TEK: variants seen among roughly 807,000 people sequenced by gnomAD.
The protein encoded by TEK is TEK receptor tyrosine kinase.
TEK carries 43 observed loss-of-function variants against 131.8 expected under a neutral mutation model. That is an observed-to-expected ratio of 0.33 (90% confidence interval 0.26 to 0.42). The LOEUF (loss-of-function observed/expected upper bound fraction) is 0.42. Among genes scored for constraint, TEK ranks in the 10% least tolerant of loss-of-function variants. TEK has a pLI of 1.00. For missense variants in TEK, 1,162 were observed against 1,384.4 expected (o/e 0.84, Z 2.55); for synonymous variants, 580 against 491.6 (o/e 1.18, Z -2.38).
At chr9:27,165,919 C>T (rs1823713382) in intron 2 of TEK, among the ~76,000 whole-genome samples, 1 of 152,268 alleles carries the variant, frequency 6.6e-6, no homozygotes, top group African/African-American at 2.4e-5. Flanking sequence ...AGCAAGCAGG[C>T]AAACCTAAAG....
At chr9:27,183,901 G>A (rs951986834) in intron 8 of TEK, among the ~76,000 whole-genome samples, 1 of 152,162 alleles carries the variant, frequency 6.6e-6, no homozygotes, top group African/African-American at 2.4e-5. Context: ...AGCTGGTATG[G>A]GGAGAAGTAC....
intron 22 of TEK, among the ~76,000 whole-genome samples, chr9:27,228,905 A>G (rs914589701): frequency 1.3e-5 from 2 of 152,192 alleles, no homozygotes; most frequent in Non-Finnish European, 2.9e-5. Context: ...GGAGGTACCA[A>G]TAAGACACTG....
At chr9:27,121,552 A>G (rs1821791920) in intron 1 of TEK, among the ~76,000 whole-genome samples, 1 of 150,638 alleles carries the variant, frequency 6.6e-6, no homozygotes, top group African/African-American at 2.4e-5. Context: ...TCCATATTAT[A>G]TGCAATATGC....
chr9:27,143,480 T>C (rs1822804175), intron 1 of TEK, among the ~76,000 whole-genome samples: 1 of 152,150 alleles, frequency 6.6e-6, no homozygotes, highest in Admixed American at 6.5e-5. Flanking sequence ...AGCCTGGTTT[T>C]AGCAAGTGAG....
At position 27,109,474 on chromosome 9, in the gene TEK, G is replaced by C; in HGVS notation, c.-117G>C. ...TGCTGTTCCTTCTTGCCTCTAACTT[G>C]TAAACAAGACGTAGTAGGACGATGC... On this transcript the variant is annotated 5_prime_UTR_variant, in exon 1 of 23. Transcript: ENST00000380036. The C allele has an allele frequency of 9.5e-7, 1 of 1,052,484 alleles. No homozygotes were observed. Among genetic ancestry groups the C allele is most frequent in the Non-Finnish European group, 1.5e-6 (1 of 669,482 alleles). 65.2% of individuals were successfully genotyped at this position (1,052,484 alleles called of 1,614,324 possible).
intron 20 of TEK, among the ~76,000 whole-genome samples, chr9:27,219,749 G>GTCTTCC (rs1825983570): frequency 7.3e-6 from 1 of 137,878 alleles, no homozygotes; most frequent in Non-Finnish European, 1.6e-5. Context: ...AATCTTATTG[G>GTCTTCC]TATAATAAAG....
intron 18 of TEK, among the ~76,000 whole-genome samples, chr9:27,216,662 A>C (rs1377189630): frequency 1.3e-5 from 2 of 152,244 alleles, no homozygotes; most frequent in African/African-American, 4.8e-5. Context: ...TGTATGCATC[A>C]GAATATTGCC....
chr9:27,153,488 A>T (rs1823209006), intron 1 of TEK, among the ~76,000 whole-genome samples: 2 of 152,236 alleles, frequency 1.3e-5, no homozygotes, highest in African/African-American at 2.4e-5. Flanking sequence ...TTGTTAAGGA[A>T]AAATAGCATT....
chr9:27,148,627 A>G (rs934387851), intron 1 of TEK, among the ~76,000 whole-genome samples: 1 of 152,224 alleles, frequency 6.6e-6, no homozygotes, highest in Non-Finnish European at 1.5e-5. Flanking sequence ...TCCATTGATC[A>G]AAAGAAGTCC....
At chr9:27,229,113 G>A (rs1371277800) in intron 22 of TEK, 45 bp from the exon 23 acceptor site, 3 of 1,579,102 alleles carry the variant, frequency 1.9e-6, no homozygotes, top group Non-Finnish European at 1.7e-6. Flanking sequence ...TGGCAGAGGT[G>A]GAATCAAAGC....
chr9:27,197,073 G>C (rs1010593959), intron 11 of TEK, among the ~76,000 whole-genome samples: 5 of 139,530 alleles, frequency 3.6e-5, no homozygotes, highest in Non-Finnish European at 7.6e-5. Flanking sequence ...TCACACACTG[G>C]GGCCTGTTAT....
chr9:27,114,952 T>C (rs1326800978), intron 1 of TEK, among the ~76,000 whole-genome samples: 4 of 152,188 alleles, frequency 2.6e-5, no homozygotes, highest in Non-Finnish European at 5.9e-5. Flanking sequence ...CAAAGACTTA[T>C]TGAGGGTTTC....
intron 21 of TEK, among the ~76,000 whole-genome samples, chr9:27,224,017 T>TA (rs1778355987): frequency 6.6e-6 from 1 of 152,062 alleles, no homozygotes; most frequent in Non-Finnish European, 1.5e-5. Context: ...CTAGAAGAAA[T>TA]GGATAAATTC....
At chr9:27,151,887 T>C (rs1313099810) in intron 1 of TEK, among the ~76,000 whole-genome samples, 1 of 152,172 alleles carries the variant, frequency 6.6e-6, no homozygotes, top group Non-Finnish European at 1.5e-5. Context: ...ACAAAAAACC[T>C]AAACTAAAAT....
At chr9:27,212,027 C>CA (rs770785544) in intron 16 of TEK, among the ~76,000 whole-genome samples, 6 of 146,908 alleles carry the variant, frequency 4.1e-5, no homozygotes, top group Non-Finnish European at 7.5e-5. Context: ...TGATGTGGAA[C>CA]AAAAAAGTGA....
chr9:27,172,017 G>A (rs1402546072), intron 4 of TEK, among the ~76,000 whole-genome samples: 1 of 152,164 alleles, frequency 6.6e-6, no homozygotes, highest in Non-Finnish European at 1.5e-5. Context: ...AGTTGTTTGA[G>A]ATAGGAAAAC....
chr9:27,220,678 G>A (rs988300347), intron 21 of TEK, among the ~76,000 whole-genome samples: 7 of 152,216 alleles, frequency 4.6e-5, no homozygotes, highest in Admixed American at 4.6e-4. Context: ...CACCTGGGAA[G>A]CGCAAGGGGT....
chr9:27,109,926 A>G (rs893732609), intron 1 of TEK, among the ~76,000 whole-genome samples: 1 of 152,092 alleles, frequency 6.6e-6, no homozygotes, highest in African/African-American at 2.4e-5. Flanking sequence ...TCCCCTTACT[A>G]TCATGCATTA....
At position 27,192,536 on chromosome 9, in the gene TEK, T is replaced by C; in HGVS notation, c.1537T>C (p.Tyr513His). The C allele has an allele frequency of 6.2e-7, 1 of 1,614,002 alleles. No individual in the cohort carries two copies. Among genetic ancestry groups the C allele is most frequent in the Non-Finnish European group, 8.5e-7 (1 of 1,179,938 alleles). Residue 513 changes from tyrosine to histidine, a missense_variant, in exon 11 of 23, where the codon TAT becomes CAT. Physicochemically the swap from Tyr to His is moderately conservative, Grantham distance 83. Coordinates refer to ENST00000380036, the MANE Select transcript of TEK (RefSeq NM_000459.5). ...CAACTATTTGGAACCTCGGACAGAA[T>C]ATGAACTCTGTGTGCAACTGGTCCG... ...TLNYLEPRTE[Y>H]ELCVQLVRRG...
Sources: gnomAD v4.1 joint callset for allele counts (sites outside exome capture counted in the v4.1 genomes callset) on GRCh38, gnomAD v4.1.1 for gene constraint, MANE v1.5 for transcripts, NCBI Gene and HGNC (gene_info 2026-07-23, HGNC 2026-07-21) for gene names.